MORC1: variants seen among roughly 807,000 people sequenced by gnomAD.
MORC1 encodes MORC family CW-type zinc finger protein 1.
Under a neutral mutation model 134.9 loss-of-function variants are expected in MORC1, and 59 were observed. That is an observed-to-expected ratio of 0.44 (90% CI 0.35 to 0.54). The LOEUF is 0.54. Ranked by LOEUF, MORC1 falls within the 20% of genes least tolerant of loss-of-function variation. The pLI, the probability that MORC1 is intolerant of heterozygous loss-of-function variation, is 0.00. For synonymous variants in MORC1, 395 were observed against 391.7 expected (o/e 1.01, Z -0.10); for missense variants, 947 against 1,134.5 (o/e 0.83, Z 2.37).
chr3:108,963,335 G>A (rs1947131614), intron 27 of MORC1, 79 bp downstream of exon 27: 4 of 1,198,872 alleles, frequency 3.3e-6, no homozygotes, highest in East Asian at 2.3e-5. Context: ...GTAAGTGAAT[G>A]ACAATGTTAG....
intron 21 of MORC1, among the ~76,000 whole-genome samples, chr3:108,989,845 G>C (rs562493717): frequency 4.6e-5 from 7 of 152,056 alleles, no homozygotes; most frequent in Non-Finnish European, 8.8e-5. Flanking sequence ...ATACTACCAC[G>C]GCGAAAAGTT....
intron 17 of MORC1, among the ~76,000 whole-genome samples, chr3:109,020,404 T>C (rs1320586096): frequency 6.6e-6 from 1 of 152,088 alleles, no homozygotes; most frequent in Non-Finnish European, 1.5e-5. Flanking sequence ...GTTAGAATGC[T>C]GGACTTGGTG....
rs768648016 is a variant in MORC1 at position 108,986,969 on chromosome 3, T to C, written c.2188-20A>G. 21 of 1,541,866 alleles carry C rather than the reference T, an allele frequency of 1.4e-5. No individual in the cohort carries two copies. The highest frequency in any genetic ancestry group is 1.7e-5 in the Non-Finnish European group (19 of 1,144,460). ...TGAAACCTGAAAAACAAGCTCTTTATTTAAAACTGTACAAAAACATAGGAC... is the reference window on the plus strand; with the variant it reads ...TGAAACCTGAAAAACAAGCTCTTTACTTAAAACTGTACAAAAACATAGGAC... On this transcript the variant is annotated intron_variant, in intron 21 of 27. Coordinates refer to ENST00000232603, the MANE Select transcript of MORC1 (RefSeq NM_014429.4).
intron 27 of MORC1, among the ~76,000 whole-genome samples, chr3:108,960,822 A>G (rs1947060778): frequency 6.6e-6 from 1 of 152,190 alleles, no homozygotes; most frequent in African/African-American, 2.4e-5. Flanking sequence ...CTTTAAAAAA[A>G]AATCTGTAAA....
chr3:109,059,564 CT>C (rs999460852), intron 12 of MORC1, among the ~76,000 whole-genome samples: 41 of 151,544 alleles, frequency 2.7e-4, no homozygotes, highest in African/African-American at 8.5e-4. Context: ...TAATTTTTCA[CT>C]TTTTTTTTGG....
chr3:109,014,461 G>T (rs997930785), intron 17 of MORC1, among the ~76,000 whole-genome samples: 1 of 152,140 alleles, frequency 6.6e-6, no homozygotes, highest in Non-Finnish European at 1.5e-5. Context: ...TTCAAAAGGT[G>T]GTTATTTCTC....
intron 8 of MORC1, among the ~76,000 whole-genome samples, chr3:109,088,921 G>A (rs1950665355): frequency 6.6e-6 from 1 of 152,090 alleles, no homozygotes; most frequent in East Asian, 1.9e-4. Flanking sequence ...CAGGAATATG[G>A]ATAGAGCTGG....
chr3:109,001,927 A>G (rs1464546721), intron 20 of MORC1, among the ~76,000 whole-genome samples: 1 of 152,192 alleles, frequency 6.6e-6, no homozygotes, highest in Admixed American at 6.5e-5. Context: ...TACAATTCCC[A>G]ATTTCAATTA....
At chr3:108,970,077 A>T (rs187596571) in intron 25 of MORC1, among the ~76,000 whole-genome samples, 2 of 152,274 alleles carry the variant, frequency 1.3e-5, no homozygotes, top group East Asian at 3.9e-4. Context: ...GGAGTGTCAG[A>T]GAAACAGATG....
At chr3:109,016,527 C>T (rs968964412) in intron 17 of MORC1, among the ~76,000 whole-genome samples, 2 of 152,136 alleles carry the variant, frequency 1.3e-5, no homozygotes, top group African/African-American at 4.8e-5. Context: ...CACCGGGGTC[C>T]TCATAATCCT....
At chr3:109,013,895 T>C (rs979554096) in intron 17 of MORC1, among the ~76,000 whole-genome samples, 2 of 136,844 alleles carry the variant, frequency 1.5e-5, no homozygotes, top group African/African-American at 6.7e-5. Flanking sequence ...TCTCTCTCTC[T>C]TGCCTTCTTT....
chr3:109,011,525 T>TTG (rs1559891602), intron 17 of MORC1, among the ~76,000 whole-genome samples: 2 of 129,950 alleles, frequency 1.5e-5, no homozygotes, highest in African/African-American at 6.7e-5. Flanking sequence ...TTTGTTTTTG[T>TTG]TTTTTTTTTT....
chr3:109,032,277 G>A (rs1386103212), intron 16 of MORC1, among the ~76,000 whole-genome samples: 1 of 152,070 alleles, frequency 6.6e-6, no homozygotes, highest in Non-Finnish European at 1.5e-5. Flanking sequence ...TCTTTTTCCT[G>A]TTTTAGTCTG....
At chr3:109,067,465 G>A (rs1191074459) in intron 9 of MORC1, among the ~76,000 whole-genome samples, 1 of 152,090 alleles carries the variant, frequency 6.6e-6, no homozygotes, top group African/African-American at 2.4e-5. Context: ...ATACTCGAAT[G>A]GGAAGCAGCC....
At chr3:109,043,193 G>GGGGT (rs1949600082) in intron 14 of MORC1, among the ~76,000 whole-genome samples, 2 of 129,356 alleles carry the variant, frequency 1.5e-5, no homozygotes, top group African/African-American at 5.7e-5. Context: ...AAATGTGGGG[G>GGGGT]GGGGGGGGTG....
At chr3:108,987,557 G>A (rs1947928432) in intron 21 of MORC1, among the ~76,000 whole-genome samples, 1 of 152,076 alleles carries the variant, frequency 6.6e-6, no homozygotes, top group Non-Finnish European at 1.5e-5. Flanking sequence ...TTGATTGTTG[G>A]AGCCAGGAGG....
intron 6 of MORC1, among the ~76,000 whole-genome samples, chr3:109,099,125 A>T (rs1228626903): frequency 6.6e-6 from 1 of 152,206 alleles, no homozygotes; most frequent in African/African-American, 2.4e-5. Flanking sequence ...GGAGCCTCTT[A>T]CTTTGGGAGA....
chr3:108,999,692 A>C (rs1948343536), intron 21 of MORC1, among the ~76,000 whole-genome samples: 1 of 152,180 alleles, frequency 6.6e-6, no homozygotes, highest in African/African-American at 2.4e-5. Context: ...TATCATGTCA[A>C]TAATAGAACC....
Position 108,987,366 on chromosome 3 carries a change from A to C in MORC1, c.2188-417T>G, listed in dbSNP as rs78349882. On this transcript the variant is annotated intron_variant, in intron 21 of 27. Transcript: ENST00000232603. ...GTTGCTGCAAAGCAGACAGAGTAGGAGCTCAGCATCCCTGCAATGAAAACT... is the reference window on the plus strand; with the variant it reads ...GTTGCTGCAAAGCAGACAGAGTAGGCGCTCAGCATCCCTGCAATGAAAACT... Among the ~76,000 whole-genome samples the C allele has an allele frequency of 8.6e-3, 1,306 of 152,296 alleles. 16 individuals are homozygous for C. Among genetic ancestry groups the C allele is most frequent in the African/African-American group, 0.03 (1,244 of 41,556 alleles).
Sources: gnomAD v4.1 joint callset for allele counts (sites outside exome capture counted in the v4.1 genomes callset) on GRCh38, gnomAD v4.1.1 for gene constraint, MANE v1.5 for transcripts, NCBI Gene and HGNC (gene_info 2026-07-23, HGNC 2026-07-21) for gene names.